Variants in NEGR1 observed in about 807,000 individuals in gnomAD.
NEGR1 encodes the protein IgLON family member 4.
NEGR1 carries 10 observed loss-of-function variants against 40.9 expected under a neutral mutation model. That is an observed-to-expected ratio of 0.24 (90% confidence interval 0.15 to 0.42). The LOEUF (loss-of-function observed/expected upper bound fraction) is 0.42, where lower values mean the gene tolerates loss of function less well. Among genes scored for constraint, NEGR1 ranks in the 10% least tolerant of loss-of-function variants. The pLI is 1.00. For synonymous variants in NEGR1, 185 were observed against 166.8 expected (o/e 1.11, Z -0.84); for missense variants, 352 against 438.9 (o/e 0.80, Z 1.77).
chr1:72,072,930 C>T (rs2100513318), intron 1 of NEGR1, among the ~76,000 whole-genome samples: 1 of 152,254 alleles, frequency 6.6e-6, no homozygotes, highest in South Asian at 2.1e-4. Flanking sequence ...TGAAGAAATA[C>T]ATTTATGTAC....
At chr1:71,483,041 G>A (rs141992029) in intron 6 of NEGR1, among the ~76,000 whole-genome samples, 1 of 151,826 alleles carries the variant, frequency 6.6e-6, no homozygotes, top group Non-Finnish European at 1.5e-5. Context: ...TCAGGATAGG[G>A]CACACCCATT....
intron 1 of NEGR1, among the ~76,000 whole-genome samples, chr1:72,247,437 T>C (rs535594306): frequency 6.6e-6 from 1 of 152,322 alleles, no homozygotes; most frequent in South Asian, 2.1e-4. Context: ...TCAAACCCTT[T>C]ACTGCTAGAA....
chr1:71,537,413 A>C (rs1215724399), intron 6 of NEGR1, among the ~76,000 whole-genome samples: 1 of 151,824 alleles, frequency 6.6e-6, no homozygotes, highest in Admixed American at 6.6e-5. Flanking sequence ...CTTCAGTACT[A>C]GTAGCTTTTT....
chr1:71,542,500 A>G (rs1477844716), intron 6 of NEGR1, among the ~76,000 whole-genome samples: 1 of 151,694 alleles, frequency 6.6e-6, no homozygotes, highest in Non-Finnish European at 1.5e-5. Flanking sequence ...CAGCCTGATG[A>G]AATTTTAGAG....
At chr1:71,433,540 G>C (rs1194164336) in intron 6 of NEGR1, among the ~76,000 whole-genome samples, 1 of 152,184 alleles carries the variant, frequency 6.6e-6, no homozygotes, top group East Asian at 1.9e-4. Flanking sequence ...GGCTGTGAAG[G>C]CTTCGGAATC....
chr1:71,838,792 A>G (rs913152182), intron 2 of NEGR1, among the ~76,000 whole-genome samples: 1 of 152,170 alleles, frequency 6.6e-6, no homozygotes, highest in African/African-American at 2.4e-5. Context: ...AAATGGCCTG[A>G]AATTAATCAA....
intron 4 of NEGR1, among the ~76,000 whole-genome samples, chr1:71,623,337 A>AC (rs796728958): frequency 5.0e-4 from 75 of 150,670 alleles, no homozygotes; most frequent in Admixed American, 1.5e-3. Flanking sequence ...AACCACTTTC[A>AC]CCCCCCCGCC....
At chr1:71,697,977 A>T in intron 4 of NEGR1, 31 bp downstream of exon 4, 1 of 1,597,250 alleles carries the variant, frequency 6.3e-7, no homozygotes. Flanking sequence ...TTTTCTCAGA[A>T]CTTATCTTGA....
At chr1:71,722,885 C>A (rs1403870880) in intron 3 of NEGR1, among the ~76,000 whole-genome samples, 1 of 152,088 alleles carries the variant, frequency 6.6e-6, no homozygotes, top group East Asian at 1.9e-4. Flanking sequence ...CCTTGTGTAC[C>A]TTTGCAATAT....
At chr1:71,748,535 T>C (rs191254417) in intron 3 of NEGR1, among the ~76,000 whole-genome samples, 49 of 152,306 alleles carry the variant, frequency 3.2e-4, no homozygotes, top group African/African-American at 1.1e-3. Context: ...ATTAATGACC[T>C]ATGATACCTG....
intron 1 of NEGR1, among the ~76,000 whole-genome samples, chr1:72,198,635 C>A (rs1441316883): frequency 6.6e-6 from 1 of 151,870 alleles, no homozygotes; most frequent in Non-Finnish European, 1.5e-5. Flanking sequence ...TAATACTCTT[C>A]TTTGATCTTT....
chr1:71,928,069 CAT>C lies in NEGR1; in HGVS notation c.409+7008_409+7009del, dbSNP rs1295793840. ...ACACACGTATATATATACACACACA[CAT>C]ATGTACATATATGTATATATACACA... On this transcript the variant is annotated intron_variant, in intron 2 of 6. Transcript: ENST00000357731. Among the ~76,000 whole-genome samples the C allele has an allele frequency of 6.2e-5, 6 of 97,244 alleles. 1 individual carries two copies. The highest frequency in any genetic ancestry group is 3.4e-4 in the South Asian group (1 of 2,982). The allele number at this position is 97,244 out of a possible 152,430, so 63.8% of individuals were successfully genotyped here. A position where few individuals can be genotyped will look rare whatever the true frequency, so the allele number is the denominator to read the frequency against.
At chr1:72,058,199 T>C (rs987376896) in intron 1 of NEGR1, among the ~76,000 whole-genome samples, 1 of 151,592 alleles carries the variant, frequency 6.6e-6, no homozygotes, top group African/African-American at 2.4e-5. Context: ...TTGCATATGA[T>C]ATAACTCAGT....
intron 3 of NEGR1, among the ~76,000 whole-genome samples, chr1:71,699,405 C>T (rs377669019): frequency 2.6e-5 from 4 of 151,690 alleles, no homozygotes; most frequent in South Asian, 2.1e-4. Flanking sequence ...ATGATTAAGT[C>T]GTATTTCCAT....
At chr1:71,797,381 A>G (rs1557655917) in intron 2 of NEGR1, among the ~76,000 whole-genome samples, 1 of 152,160 alleles carries the variant, frequency 6.6e-6, no homozygotes, top group Non-Finnish European at 1.5e-5. Flanking sequence ...GAGTCATGGT[A>G]AGAAGATTCA....
intron 5 of NEGR1, among the ~76,000 whole-genome samples, chr1:71,594,752 G>T (rs964486060): frequency 6.6e-6 from 1 of 152,076 alleles, no homozygotes; most frequent in Non-Finnish European, 1.5e-5. Context: ...TAACAACTTC[G>T]TTTTTAACTA....
At chr1:72,026,066 C>G (rs1254852403) in intron 1 of NEGR1, among the ~76,000 whole-genome samples, 6 of 137,466 alleles carry the variant, frequency 4.4e-5, no homozygotes, top group East Asian at 2.1e-4. Context: ...AGCCGAGATC[C>G]CGCCACTGCA....
chr1:72,016,800 C>T (rs570656642), intron 1 of NEGR1, among the ~76,000 whole-genome samples: 2 of 152,278 alleles, frequency 1.3e-5, no homozygotes, highest in South Asian at 4.1e-4. Flanking sequence ...TTGCCCCAGA[C>T]AGTTTGGCCT....
chr1:71,470,198 C>T (rs1569911853), intron 6 of NEGR1, among the ~76,000 whole-genome samples: 1 of 152,072 alleles, frequency 6.6e-6, no homozygotes, highest in African/African-American at 2.4e-5. Context: ...GGGCAGCTTT[C>T]GAAGCATTCT....
Sources: allele counts gnomAD v4.1 joint callset (sites outside exome capture counted in the v4.1 genomes callset), GRCh38; gene constraint gnomAD v4.1.1; transcripts MANE v1.5; gene names NCBI Gene and HGNC (gene_info 2026-07-23, HGNC 2026-07-21).